DPP10: variants seen among roughly 807,000 people sequenced by gnomAD.
The protein encoded by DPP10 is inactive dipeptidyl peptidase 10.
Under a neutral mutation model 120.9 loss-of-function variants are expected in DPP10, and 33 were observed. That is an observed-to-expected ratio of 0.27 (90% confidence interval 0.21 to 0.37). DPP10 has a LOEUF of 0.37. Ranked by LOEUF, DPP10 falls within the 10% of genes least tolerant of loss-of-function variation. The pLI is 1.00. For synonymous variants in DPP10, 337 were observed against 326.1 expected (o/e 1.03, Z -0.36); for missense variants, 816 against 942.8 (o/e 0.87, Z 1.76).
At chr2:115,109,700 C>T (rs1278657635) in intron 1 of DPP10, among the ~76,000 whole-genome samples, 1 of 152,146 alleles carries the variant, frequency 6.6e-6, no homozygotes, top group African/African-American at 2.4e-5. Flanking sequence ...TACAGTGGCT[C>T]TCAATTGGAG....
intron 1 of DPP10, among the ~76,000 whole-genome samples, chr2:114,809,470 TCGATG>T (rs1685004353): frequency 6.6e-6 from 1 of 152,234 alleles, no homozygotes; most frequent in African/African-American, 2.4e-5. Flanking sequence ...ATAAAAGTAG[TCGATG>T]CTGGAAAACT....
intron 1 of DPP10, chr2:115,064,872 A>G: frequency 1.5e-6 from 2 of 1,294,106 alleles, no homozygotes; most frequent in Non-Finnish European, 2.0e-6. Context: ...GGTTTCATTT[A>G]TTTTATTCTC....
chr2:115,588,971 A>C (rs1387758760), intron 5 of DPP10, among the ~76,000 whole-genome samples: 1 of 152,194 alleles, frequency 6.6e-6, no homozygotes, highest in Non-Finnish European at 1.5e-5. Context: ...TGAATAAAAT[A>C]AATTATTACT....
intron 21 of DPP10, among the ~76,000 whole-genome samples, chr2:115,821,804 T>C (rs146976020): frequency 1.0e-3 from 157 of 152,174 alleles, no homozygotes; most frequent in African/African-American, 3.7e-3. Flanking sequence ...ATTTGCATTG[T>C]TTTTAGTTTT....
intron 7 of DPP10, among the ~76,000 whole-genome samples, chr2:115,716,713 A>AAAAC (rs535037198): frequency 1.1e-4 from 16 of 149,574 alleles, no homozygotes; most frequent in Non-Finnish European, 1.9e-4. Flanking sequence ...CTGTATTGCA[A>AAAAC]AAACAAACAA....
At chr2:115,034,134 A>G (rs895669890) in intron 1 of DPP10, among the ~76,000 whole-genome samples, 2 of 151,708 alleles carry the variant, frequency 1.3e-5, no homozygotes, top group Non-Finnish European at 2.9e-5. Flanking sequence ...TGACCTCGTG[A>G]TCTGCCTGCC....
At chr2:114,639,363 A>G (rs1254317357) in intron 1 of DPP10, among the ~76,000 whole-genome samples, 1 of 151,940 alleles carries the variant, frequency 6.6e-6, no homozygotes, top group African/African-American at 2.4e-5. Context: ...GGTCCCTCCC[A>G]TGACATGTGG....
intron 15 of DPP10, among the ~76,000 whole-genome samples, chr2:115,778,743 C>T (rs1682414743): frequency 6.6e-6 from 1 of 152,094 alleles, no homozygotes; most frequent in South Asian, 2.1e-4. Flanking sequence ...GCATCACCCC[C>T]ACACTCTTAT....
At chr2:115,660,542 A>G (rs1002202030) in intron 5 of DPP10, among the ~76,000 whole-genome samples, 2 of 152,134 alleles carry the variant, frequency 1.3e-5, no homozygotes, top group East Asian at 3.9e-4. Context: ...CAAATTCCTT[A>G]TAAAACAACT....
intron 1 of DPP10, among the ~76,000 whole-genome samples, chr2:114,474,935 C>A (rs1253787698): frequency 6.6e-6 from 1 of 152,220 alleles, no homozygotes; most frequent in African/African-American, 2.4e-5. Context: ...TGGTCACCCT[C>A]TGAGGAACCT....
chr2:115,192,068 G>A (rs759908364), intron 1 of DPP10, among the ~76,000 whole-genome samples: 10 of 152,192 alleles, frequency 6.6e-5, no homozygotes, highest in Non-Finnish European at 1.5e-4. Flanking sequence ...GTGGGTGCCA[G>A]GGATTATGAT....
At chr2:115,075,834 G>A (rs548848324) in intron 1 of DPP10, among the ~76,000 whole-genome samples, 182 of 152,076 alleles carry the variant, frequency 1.2e-3, no homozygotes, top group Admixed American at 2.7e-3. Context: ...CAGGGGCAGT[G>A]AGTCCATTTA....
At chr2:115,821,462 C>T (rs1282962828) in intron 21 of DPP10, among the ~76,000 whole-genome samples, 1 of 151,938 alleles carries the variant, frequency 6.6e-6, no homozygotes, top group Non-Finnish European at 1.5e-5. Context: ...ATTTTCAGCA[C>T]TTTCCGATTG....
intron 1 of DPP10, among the ~76,000 whole-genome samples, chr2:114,557,815 T>A (rs1282968275): frequency 6.6e-6 from 1 of 152,174 alleles, no homozygotes; most frequent in Admixed American, 6.5e-5. Flanking sequence ...TTGGGGCTCA[T>A]GTAGGCCACA....
intron 1 of DPP10, among the ~76,000 whole-genome samples, chr2:114,489,745 A>G (rs775583128): frequency 6.6e-6 from 1 of 152,198 alleles, no homozygotes. Context: ...CAGATTATAC[A>G]TAACAAGTGA....
At chr2:114,749,567 T>TATTTTATTTTATTTTATTTC (rs1678993733) in intron 1 of DPP10, among the ~76,000 whole-genome samples, 3 of 146,250 alleles carry the variant, frequency 2.1e-5, no homozygotes, top group African/African-American at 7.6e-5. Flanking sequence ...TATTTTATTT[T>TATTTTATTTTATTTTATTTC]ATTTTATTTT....
In DPP10 at chr2:115,649,732, G is replaced by A. The variant is rs183809127; in HGVS notation, c.442-39955G>A. Among the ~76,000 whole-genome samples the A allele has an allele frequency of 1.3e-3, 194 of 152,148 alleles. 1 individual carries two copies. Among genetic ancestry groups the A allele is most frequent in the African/African-American group, 4.5e-3 (186 of 41,530 alleles). ...TATATTATGTAGTCAGAATGAAAAT[G>A]TGCTCCATGTTTTCAGAATATGTAC... On this transcript the variant is annotated intron_variant, in intron 5 of 25. Coordinates refer to ENST00000410059, the MANE Select transcript of DPP10 (RefSeq NM_020868.6).
At position 114,778,889 on chromosome 2, in the gene DPP10, C is replaced by T. The variant is rs561987647; in HGVS notation, c.60+336051C>T. 2.3e-3 allele frequency among the ~76,000 whole-genome samples: 345 copies of T among 152,092 alleles called. 1 individual carries two copies. Among genetic ancestry groups the T allele is most frequent in the African/African-American group, 8.1e-3 (335 of 41,522 alleles). On this transcript the variant is annotated intron_variant, in intron 1 of 25. Coordinates refer to ENST00000410059, the MANE Select transcript of DPP10 (RefSeq NM_020868.6). Reference sequence around the variant, plus strand: ...GAATTTAATTGACCGAAAGACAAAGCGCAACTTAATGGTGTCACAATCCCA... The same window carrying T: ...GAATTTAATTGACCGAAAGACAAAGTGCAACTTAATGGTGTCACAATCCCA...
chr2:115,000,926 G>A (rs1701396849), intron 1 of DPP10, among the ~76,000 whole-genome samples: 1 of 152,084 alleles, frequency 6.6e-6, no homozygotes, highest in African/African-American at 2.4e-5. Context: ...TTAAGGTATG[G>A]CAGCTTTCTC....
Sources: gnomAD v4.1 joint callset for allele counts (sites outside exome capture counted in the v4.1 genomes callset) on GRCh38, gnomAD v4.1.1 for gene constraint, MANE v1.5 for transcripts, NCBI Gene and HGNC (gene_info 2026-07-23, HGNC 2026-07-21) for gene names.